CLCA2: variants seen among roughly 807,000 people sequenced by gnomAD.
CLCA2 encodes chloride channel accessory 2.
Under a neutral mutation model 82.9 loss-of-function variants are expected in CLCA2, and 85 were observed. The observed-to-expected ratio is 1.03, with a 90% CI of 0.86 to 1.23. The LOEUF is 1.23. Among genes scored for constraint, CLCA2 ranks in the 50% most tolerant of loss-of-function variants. The probability of loss-of-function intolerance (pLI) is 0.00; values close to 1 mark genes in which losing one functional copy is unlikely to be tolerated. For synonymous variants in CLCA2, 421 were observed against 391.7 expected (o/e 1.07, Z -0.88); for missense variants, 1,089 against 1,124.8 (o/e 0.97, Z 0.45).
chr1:86,454,828 C>A (rs969034049), intron 13 of CLCA2, among the ~76,000 whole-genome samples: 1 of 150,650 alleles, frequency 6.6e-6, no homozygotes, highest in Non-Finnish European at 1.5e-5. Context: ...AAAAACATCA[C>A]ATAACATTTA....
chr1:86,455,391 ATTATC>A lies in CLCA2; in HGVS notation c.2701_2705del (p.Leu901IlefsTer52), dbSNP rs1312120635. The A allele has an allele frequency of 6.2e-7, 1 of 1,608,992 alleles. No homozygotes were observed. The highest frequency in any genetic ancestry group is 8.5e-7 in the Non-Finnish European group (1 of 1,178,492). On this transcript the variant is annotated frameshift_variant, in exon 14 of 14. Coordinates refer to ENST00000370565, the MANE Select transcript of CLCA2 (RefSeq NM_006536.7). LOFTEE classifies it low-confidence loss of function (END_TRUNC). ...AATTCTGATCCTGTACCTGCCAGAG[ATTATC>A]TTATATTGAAAGGAGTTTTAACAGC...
In CLCA2 at chr1:86,425,434, A is replaced by G; in HGVS notation, c.282A>G (p.Lys94=). 3 of 1,567,016 alleles carry G rather than the reference A, an allele frequency of 1.9e-6. No individual in the cohort carries two copies. The highest frequency in any genetic ancestry group is 8.7e-7 in the Non-Finnish European group (1 of 1,155,542). The part of the protein sequence containing the change: ...NIKILIPATW[K]ANNNSKIKQE... ...AGATTTTAATACCTGCCACATGGAA[A>G]GCTAATAATAACAGCAAAATAAAAC... Residue 94 remains lysine (K), a synonymous_variant, in exon 2 of 14, where the codon AAA becomes AAG. Transcript: ENST00000370565.
intron 3 of CLCA2, among the ~76,000 whole-genome samples, chr1:86,429,599 A>T (rs998838776): frequency 6.6e-6 from 1 of 152,214 alleles, no homozygotes; most frequent in Admixed American, 6.5e-5. Context: ...ATAGGCCTAG[A>T]GACTGGTATT....
chr1:86,436,630 A>C (rs189242227), intron 6 of CLCA2, among the ~76,000 whole-genome samples: 266 of 152,298 alleles, frequency 1.7e-3, no homozygotes, highest in African/African-American at 5.9e-3. Context: ...GAAAAACTAA[A>C]AACTCCACTA....
rs186274691 is a variant in CLCA2, at chr1:86,444,657, G to A, written c.1713+646G>A. ...TTCAATAGAGTAGGGTAATCTATAA[G>A]TTAGGGATGTAGGCAAAGGAAGGAG... On this transcript the variant is annotated intron_variant, in intron 10 of 13. Coordinates refer to ENST00000370565, the MANE Select transcript of CLCA2 (RefSeq NM_006536.7). Among the ~76,000 whole-genome samples, 8 of 152,322 alleles carry A rather than the reference G, an allele frequency of 5.3e-5. No individual in the cohort carries two copies. In the South Asian group the frequency reaches 1.2e-3, roughly 24 times the overall value.
chr1:86,434,444 G>T (rs1251709756), intron 5 of CLCA2, 74 bp from the exon 6 acceptor site: 2 of 1,258,098 alleles, frequency 1.6e-6, no homozygotes, highest in African/African-American at 1.5e-5. Flanking sequence ...TTTACCTATA[G>T]TTCCTTGAGA....
Position 86,438,875 on chromosome 1 carries a change from G to A in CLCA2, c.973-1G>A. The A allele has an allele frequency of 6.2e-7, 1 of 1,613,484 alleles. No individual in the cohort carries two copies. The highest frequency in any genetic ancestry group is 8.5e-7 in the Non-Finnish European group (1 of 1,179,606). On this transcript the variant is annotated splice_acceptor_variant, in intron 6 of 13. Transcript: ENST00000370565. LOFTEE classifies it high-confidence loss of function. ...TTTCTTTTTTCCTTTTTGGGACATA[G>A]GCTGACAGACTCCTTCAACTACAAC...
intron 11 of CLCA2, among the ~76,000 whole-genome samples, 194 bp downstream of exon 11, chr1:86,447,972 G>A (rs781187389): frequency 8.5e-5 from 13 of 152,110 alleles, no homozygotes; most frequent in Non-Finnish European, 1.6e-4. Flanking sequence ...GAGAGTCCTT[G>A]TGAGACTCCT....
In CLCA2 at chr1:86,434,521, G is replaced by A; in HGVS notation, c.748G>A (p.Val250Ile). The A allele has an allele frequency of 6.2e-7, 1 of 1,613,736 alleles. No homozygotes were observed. The highest frequency in any genetic ancestry group is 8.5e-7 in the Non-Finnish European group (1 of 1,179,782). ...IMFMQSLSSV[V>I]EFCNASTHNQ... ...TAAAGACTGTTTTTATTTCCAGGTGGTTGAATTTTGTAATGCAAGTACCCA... is the reference window on the plus strand; with the variant it reads ...TAAAGACTGTTTTTATTTCCAGGTGATTGAATTTTGTAATGCAAGTACCCA... Residue 250 changes from valine (V) to isoleucine (I), a missense_variant, in exon 6 of 14, where the codon GTT becomes ATT. By Grantham distance (29) the Val-to-Ile change is conservative. Transcript: ENST00000370565.
chr1:86,430,807 A>C (rs1662481344), intron 3 of CLCA2, 55 bp from the exon 4 acceptor site: 1 of 1,303,382 alleles, frequency 7.7e-7, no homozygotes, highest in Non-Finnish European at 1.1e-6. Context: ...ACTAGTTAGC[A>C]AGGCACATTG....
At chr1:86,439,420 G>A (rs747148008) in intron 7 of CLCA2, among the ~76,000 whole-genome samples, 1 of 152,174 alleles carries the variant, frequency 6.6e-6, no homozygotes, top group Non-Finnish European at 1.5e-5. Flanking sequence ...ACTGTTCCTA[G>A]CCATTCTGGG....
Position 86,428,483 on chromosome 1 carries a change from AG to A in CLCA2, c.393del (p.Cys132ValfsTer16). 2 of 1,613,812 alleles carry A rather than the reference AG, an allele frequency of 1.2e-6. No individual in the cohort carries two copies. Among genetic ancestry groups the A allele is most frequent in the Non-Finnish European group, 1.7e-6 (2 of 1,179,766 alleles). The stretch of plus-strand genomic sequence containing the variant: ...ATGATCCATACACCCTACAATACAG[AG>A]GGTGTGGAAAAGAGGGAAAATACAT... ...GDDPYTLQYR[G>X]CGKEGKYIHF... On this transcript the variant is annotated frameshift_variant, in exon 3 of 14. Transcript: ENST00000370565. LOFTEE classifies it high-confidence loss of function.
rs537785175 is a variant in CLCA2, at chr1:86,446,195, T to C, written c.1714-1313T>C. Among the ~76,000 whole-genome samples the C allele has an allele frequency of 2.4e-3, 368 of 150,812 alleles. 2 individuals are homozygous for C. The highest frequency in any genetic ancestry group is 4.2e-3 in the Non-Finnish European group (287 of 67,796). The stretch of plus-strand genomic sequence containing the variant: ...TCTGCATAGTTGTCTTCTCTGCTTC[T>C]GTAGTGGTGAGCTGTGGGAACTTTT... On this transcript the variant is annotated intron_variant, in intron 10 of 13. Transcript: ENST00000370565.
rs1387083715 is a variant in CLCA2, at chr1:86,430,901, G to T, written c.515G>T (p.Gly172Val). The stretch of plus-strand genomic sequence containing the variant: ...CATGAATGGGCCCACCTCCGTTGGG[G>T]TGTGTTCGATGAGTATAACAATGAC... ...FVHEWAHLRW[G>V]VFDEYNNDKP... The change falls in exon 4 of 14, where the codon GGT (glycine) becomes GTT (valine). Residue 172 changes from glycine to valine, a missense_variant. Transcript: ENST00000370565. 6.2e-7 allele frequency: 1 copy of T among 1,613,708 alleles called. No individual in the cohort carries two copies. Among genetic ancestry groups the T allele is most frequent in the Admixed American group, 1.7e-5 (1 of 59,952 alleles).
In CLCA2 at chr1:86,442,353, T is replaced by C. The variant is rs78787202; in HGVS notation, c.1488+810T>C. Among the ~76,000 whole-genome samples, 510 of 152,334 alleles carry C rather than the reference T, an allele frequency of 3.3e-3. 12 individuals carry two copies. The highest frequency in any genetic ancestry group is 0.025 in the Admixed American group (377 of 15,300). ...GATAATGCTCAATCTTTATGCCCTG[T>C]GACTTCCTCTGCAACAATAGGGAAT... is the stretch of plus-strand genomic sequence containing the variant. On this transcript the variant is annotated intron_variant, in intron 9 of 13. Coordinates refer to ENST00000370565, the MANE Select transcript of CLCA2 (RefSeq NM_006536.7).
At chr1:86,442,865 T>G (rs928959618) in intron 9 of CLCA2, among the ~76,000 whole-genome samples, 1 of 152,186 alleles carries the variant, frequency 6.6e-6, no homozygotes, top group Non-Finnish European at 1.5e-5. Context: ...AAGCCTACTC[T>G]TCCCATCTCT....
intron 8 of CLCA2, 129 bp from the exon 9 acceptor site, chr1:86,441,308 C>G: frequency 1.7e-6 from 1 of 586,378 alleles, no homozygotes; most frequent in Non-Finnish European, 3.0e-6. Flanking sequence ...CAAAGCAAGT[C>G]AAGCACAGCT....
chr1:86,443,948 A>G lies in CLCA2; in HGVS notation c.1650A>G (p.Thr550=). The change falls in exon 10 of 14, where the codon ACA becomes ACG. Residue 550 remains threonine (T), a synonymous_variant. Coordinates refer to ENST00000370565, the MANE Select transcript of CLCA2 (RefSeq NM_006536.7). ...ATCCTGATGGACGAAAATACTACAC[A>G]AATAATTTTATCACCAATCTAACTT... is the stretch of plus-strand genomic sequence containing the variant. ...LFDPDGRKYY[T]NNFITNLTFR... The G allele has an allele frequency of 6.2e-7, 1 of 1,613,756 alleles. No homozygotes were observed. Among genetic ancestry groups the G allele is most frequent in the African/African-American group, 1.3e-5 (1 of 75,032 alleles).
chr1:86,433,929 C>T (rs971648983), intron 5 of CLCA2, among the ~76,000 whole-genome samples: 3 of 151,858 alleles, frequency 2.0e-5, no homozygotes, highest in Non-Finnish European at 4.4e-5. Context: ...GGGGTATTGA[C>T]ATAGGTTCAG....
Sources: gnomAD v4.1 joint callset for allele counts (sites outside exome capture counted in the v4.1 genomes callset) on GRCh38, gnomAD v4.1.1 for gene constraint, MANE v1.5 for transcripts, NCBI Gene and HGNC (gene_info 2026-07-23, HGNC 2026-07-21) for gene names.